SPATA7: variants seen among roughly 807,000 people sequenced by gnomAD.
The protein encoded by SPATA7 is spermatogenesis associated 7, also known as spermatogenesis-associated protein 7.
Under a neutral mutation model 51.8 loss-of-function variants are expected in SPATA7, and 43 were observed. The observed-to-expected ratio is 0.83, with a 90% CI of 0.65 to 1.07. The LOEUF (loss-of-function observed/expected upper bound fraction) is 1.07, where lower values mean the gene tolerates loss of function less well. SPATA7 is among the 50% of genes least tolerant of loss of function. SPATA7 has a pLI of 0.00. For synonymous variants in SPATA7, 230 were observed against 252.8 expected, an observed-to-expected ratio of 0.91 and a Z score of 0.86; for missense variants, 683 against 701.3, an observed-to-expected ratio of 0.97 and a Z score of 0.30.
intron 5 of SPATA7, 52 bp downstream of exon 5, chr14:88,416,896 T>C (rs955139702): frequency 7.5e-6 from 11 of 1,474,144 alleles, no homozygotes; most frequent in South Asian, 3.5e-5. Context: ...GGTACTTCTT[T>C]AGTGGTACAA....
Position 88,396,445 on chromosome 14 carries a change from C to G in SPATA7, c.238+242C>G, listed in dbSNP as rs558218425. Among the ~76,000 whole-genome samples, 22 of 152,282 alleles carry G rather than the reference C, an allele frequency of 1.4e-4. No homozygotes were observed. The South Asian group carries it at 4.3e-3, about 30-fold the overall frequency. On this transcript the variant is annotated intron_variant, in intron 4 of 11. Coordinates refer to ENST00000393545, the MANE Select transcript of SPATA7 (RefSeq NM_018418.5). ...TGGAAACCAACATTCTTTTCTATCA[C>G]TATGAATTTGACTACTGTCACCATT... is the stretch of plus-strand genomic sequence containing the variant.
rs878853386 is a variant in SPATA7, at chr14:88,437,861, TGTCCTGAAAGTA to T, written c.1241_1252del (p.Val414_Val417del). 104 of 1,598,122 alleles carry T rather than the reference TGTCCTGAAAGTA, an allele frequency of 6.5e-5. No homozygotes were observed. Among genetic ancestry groups the T allele is most frequent in the Non-Finnish European group, 7.0e-5 (82 of 1,174,348 alleles). On this transcript the variant is annotated inframe_deletion, in exon 12 of 12. Coordinates refer to ENST00000393545, the MANE Select transcript of SPATA7 (RefSeq NM_018418.5). ...AGGAAAAAATGCGCCACCTGCTGCA[TGTCCTGAAAGTA>T]GACTTAGGCTGCACATCGGAGGAAA... is the stretch of plus-strand genomic sequence containing the variant.
downstream of SPATA7, among the ~76,000 whole-genome samples, chr14:88,458,274 A>G (rs140252243): frequency 0.026 from 3,925 of 152,146 alleles, 86 homozygotes; most frequent in South Asian, 0.099. Context: ...CTCTTTTTCT[A>G]TGGATTGGAA....
chr14:88,389,324 C>A (rs1747895069), intron 1 of SPATA7, among the ~76,000 whole-genome samples: 1 of 151,908 alleles, frequency 6.6e-6, no homozygotes, highest in Non-Finnish European at 1.5e-5. Flanking sequence ...CCATCTCAGC[C>A]TCCTGTGTAG....
chr14:88,407,023 G>A (rs946424084), intron 4 of SPATA7, among the ~76,000 whole-genome samples: 2 of 152,016 alleles, frequency 1.3e-5, no homozygotes, highest in South Asian at 2.1e-4. Flanking sequence ...CCATTGATGG[G>A]CATTTGTGTT....
rs1201415861 is a variant in SPATA7 at position 88,437,753 on chromosome 14, T to C, written c.1216-85T>C. The C allele has an allele frequency of 2.1e-6, 3 of 1,412,990 alleles. No individual in the cohort carries two copies. The East Asian group carries it at 7.0e-5, about 33-fold the overall frequency. 87.5% of individuals were successfully genotyped at this position (1,412,990 alleles called of 1,614,324 possible). A position where few individuals can be genotyped will look rare whatever the true frequency, so the allele number is the denominator to read the frequency against. ...GGTGGGAGAAGTGAAAGGAAAAGTA[T>C]TAATCCTGTGAGATTTTCAGCACTG... On this transcript the variant is annotated intron_variant, in intron 11 of 11. Transcript: ENST00000393545.
chr14:88,423,173 C>T (rs1297895038), intron 5 of SPATA7, among the ~76,000 whole-genome samples: 4 of 152,034 alleles, frequency 2.6e-5, no homozygotes, highest in Admixed American at 2.6e-4. Context: ...TCGTTTGCTT[C>T]ACTGGTGTAG....
At chr14:88,399,307 T>C (rs1437308153) in intron 4 of SPATA7, among the ~76,000 whole-genome samples, 1 of 152,170 alleles carries the variant, frequency 6.6e-6, no homozygotes, top group African/African-American at 2.4e-5. Context: ...CTTGACACTT[T>C]GTATTCTCCC....
chr14:88,388,842 A>T (rs2075657257), intron 1 of SPATA7, among the ~76,000 whole-genome samples: 1 of 152,222 alleles, frequency 6.6e-6, no homozygotes, highest in African/African-American at 2.4e-5. Flanking sequence ...TCTCCCAAAG[A>T]CTGGGGTTCA....
At chr14:88,455,215 T>C in exon 4 of SPATA7, 1 of 414,068 alleles carries the variant, frequency 2.4e-6, no homozygotes, top group Non-Finnish European at 4.8e-6. Flanking sequence ...TTCAAGTGTA[T>C]TAATTGACCC....
intron 3 of SPATA7, chr14:88,393,746 A>G (rs965230987): frequency 3.6e-6 from 1 of 280,632 alleles, no homozygotes; most frequent in African/African-American, 2.2e-5. Flanking sequence ...TTTGTTAGAT[A>G]TTGCTTTTAA....
rs568164803 is a variant in SPATA7 at position 88,429,474 on chromosome 14, C to G, written c.1028+11C>G. ...GCATTCCTCACCAAGGTAAACAGTT[C>G]ACAGGAGAAATAATTTCAACTGTCT... On this transcript the variant is annotated intron_variant, in intron 8 of 11. Transcript: ENST00000393545. 1 of 1,537,274 alleles carries G rather than the reference C, an allele frequency of 6.5e-7. No homozygotes were observed. The highest frequency in any genetic ancestry group is 1.4e-5 in the African/African-American group (1 of 73,292).
chr14:88,428,303 A>G (rs1432848559), intron 7 of SPATA7: 8 of 152,030 alleles, frequency 5.3e-5, no homozygotes, highest in African/African-American at 1.9e-4. Context: ...TCCTGACTTA[A>G]ATTTGTTGCT....
chr14:88,462,205 G>A (rs762976255), intron 4 of SPATA7, among the ~76,000 whole-genome samples: 33 of 152,228 alleles, frequency 2.2e-4, no homozygotes, highest in African/African-American at 5.8e-4. Context: ...AATTTGGACC[G>A]TCTCAGCATA....
chr14:88,413,384 T>G (rs1930214), intron 4 of SPATA7, among the ~76,000 whole-genome samples: 5,368 of 152,278 alleles, frequency 0.035, 313 homozygotes, highest in African/African-American at 0.12. Flanking sequence ...TACTGATTTT[T>G]GCACATTGAT....
intron 4 of SPATA7, chr14:88,468,392 T>C: frequency 2.2e-6 from 2 of 918,598 alleles, no homozygotes; most frequent in South Asian, 3.8e-5. Context: ...CCTTAGCGTC[T>C]TCTAGAAATA....
intron 1 of SPATA7, among the ~76,000 whole-genome samples, chr14:88,387,967 G>A (rs963669730): frequency 2.0e-5 from 3 of 152,128 alleles, no homozygotes; most frequent in Non-Finnish European, 4.4e-5. Flanking sequence ...CTGGGAGGCT[G>A]AGGCAGGTGG....
chr14:88,434,042 T>C (rs2077009341), intron 10 of SPATA7, among the ~76,000 whole-genome samples: 1 of 152,166 alleles, frequency 6.6e-6, no homozygotes, highest in Non-Finnish European at 1.5e-5. Context: ...GTTTTGGCAA[T>C]CTGTATCACA....
downstream of SPATA7, among the ~76,000 whole-genome samples, chr14:88,459,415 G>A (rs555032995): frequency 6.6e-6 from 1 of 152,266 alleles, no homozygotes; most frequent in East Asian, 1.9e-4. Context: ...CCTGTATTGG[G>A]TGCATATATG....
Sources: allele counts gnomAD v4.1 joint callset (sites outside exome capture counted in the v4.1 genomes callset), GRCh38; gene constraint gnomAD v4.1.1; transcripts MANE v1.5; gene names NCBI Gene and HGNC (gene_info 2026-07-23, HGNC 2026-07-21).